The following PDCL variants were observed in gnomAD, a reference collection of about 807,000 sequenced individuals.
The protein encoded by PDCL is phosducin like.
PDCL carries 11 observed loss-of-function variants against 26.7 expected under a neutral mutation model. The observed-to-expected ratio is 0.41, with a 90% CI of 0.26 to 0.68. The LOEUF (loss-of-function observed/expected upper bound fraction) is 0.68, where lower values mean the gene tolerates loss of function less well. Ranked by LOEUF, PDCL falls within the 30% of genes least tolerant of loss-of-function variation. The pLI, the probability that PDCL is intolerant of heterozygous loss-of-function variation, is 0.30. For missense variants in PDCL, 330 were observed against 371.6 expected, an observed-to-expected ratio of 0.89 and a Z score of 0.92; for synonymous variants, 118 against 134.9, an observed-to-expected ratio of 0.87 and a Z score of 0.87.
intron 3 of PDCL, 93 bp downstream of exon 3, chr9:122,822,923 A>C (rs984553324): frequency 7.9e-6 from 9 of 1,136,916 alleles, no homozygotes; most frequent in Non-Finnish European, 1.2e-5. Flanking sequence ...AACTTCTTGG[A>C]GGTCAAATCA....
At position 122,823,113 on chromosome 9, in the gene PDCL, C is replaced by T. The variant is rs1346315719; in HGVS notation, c.257G>A (p.Arg86Lys). 1 of 1,614,204 alleles carries T rather than the reference C, an allele frequency of 6.2e-7. No homozygotes were observed. Among genetic ancestry groups the T allele is most frequent in the Non-Finnish European group, 8.5e-7 (1 of 1,180,032 alleles). ...AGTCATTGACAGCTTCTTGATCAGC[C>T]TTTCCATCTCCCGGCACTGCTCCTC... ...QREEQCREME[R>K]LIKKLSMTCR... Residue 86 changes from arginine to lysine, a missense_variant, in exon 3 of 4, where the codon AGG becomes AAG. Physicochemically the swap from Arg to Lys is conservative, Grantham distance 26. Transcript: ENST00000259467.
intron 2 of PDCL, 100 bp from the exon 3 acceptor site, chr9:122,823,297 T>G: frequency 8.9e-7 from 1 of 1,119,776 alleles, no homozygotes; most frequent in South Asian, 1.4e-5. Context: ...TGAAGCTTGC[T>G]CCATCTACTG....
chr9:122,820,371 G>A lies in PDCL; in HGVS notation c.620C>T (p.Ala207Val). The change falls in exon 4 of 4, where the codon GCA (alanine) becomes GTA (valine). Residue 207 changes from alanine to valine, a missense_variant. Transcript: ENST00000259467. ...AMNGCMICLA[A>V]EYPAVKFCKV... Reference sequence around the variant, plus strand: ...GCAGAACTTGACAGCTGGGTACTCTGCGGCAAGGCAGATCATGCAACCATT... The same window carrying A: ...GCAGAACTTGACAGCTGGGTACTCTACGGCAAGGCAGATCATGCAACCATT... The A allele has an allele frequency of 6.2e-7, 1 of 1,614,180 alleles. No individual in the cohort carries two copies. The highest frequency in any genetic ancestry group is 1.6e-4 in the Middle Eastern group (1 of 6,062).
Position 122,819,931 on chromosome 9 carries a change from G to T in PDCL, c.*154C>A. On this transcript the variant is annotated 3_prime_UTR_variant, in exon 4 of 4. Coordinates refer to ENST00000259467, the MANE Select transcript of PDCL (RefSeq NM_005388.5). ...TTATTGCTAGCTACAAGGTTATTCA[G>T]CATTCTGATTTAATCTAAGAATTTC... 1.7e-6 allele frequency: 1 copy of T among 602,208 alleles called. No individual in the cohort carries two copies. The highest frequency in any genetic ancestry group is 2.4e-5 in the South Asian group (1 of 41,184). The allele number at this position is 602,208 out of a possible 1,614,324, so 37.3% of individuals were successfully genotyped here.
At position 122,823,125 on chromosome 9, in the gene PDCL, C is replaced by G; in HGVS notation, c.245G>C (p.Arg82Pro). The part of the protein sequence containing the change: ...LETEQREEQC[R>P]EMERLIKKLS... ...CTTCTTGATCAGCCTTTCCATCTCC[C>G]GGCACTGCTCCTCCCTCTGCTCTGT... The change falls in exon 3 of 4, where the codon CGG becomes CCG. Residue 82 changes from arginine to proline, a missense_variant. By Grantham distance (103) the Arg-to-Pro change is moderately radical (BLOSUM62 -2). Coordinates refer to ENST00000259467, the MANE Select transcript of PDCL (RefSeq NM_005388.5). 1 of 1,614,104 alleles carries G rather than the reference C, an allele frequency of 6.2e-7. No individual in the cohort carries two copies. The highest frequency in any genetic ancestry group is 1.1e-5 in the South Asian group (1 of 91,082).
intron 3 of PDCL, among the ~76,000 whole-genome samples, chr9:122,822,712 C>A (rs185752224): frequency 6.6e-6 from 1 of 152,312 alleles, no homozygotes; most frequent in African/African-American, 2.4e-5. Context: ...CTAAAATTTA[C>A]TGAGCACTTT....
At chr9:122,827,045 G>C (rs1031717666) in intron 1 of PDCL, among the ~76,000 whole-genome samples, 1 of 152,134 alleles carries the variant, frequency 6.6e-6, no homozygotes, top group East Asian at 1.9e-4. Flanking sequence ...GAATGACGGA[G>C]CTGGGACCAG....
intron 3 of PDCL, 184 bp from the exon 4 acceptor site, chr9:122,820,820 CTTA>C: frequency 2.2e-6 from 1 of 452,542 alleles, no homozygotes; most frequent in Non-Finnish European, 3.9e-6. Context: ...CTCATCTCTC[CTTA>C]AAAAAAAAAA....
chr9:122,820,690 A>C, intron 3 of PDCL, 54 bp from the exon 4 acceptor site: 1 of 1,486,736 alleles, frequency 6.7e-7, no homozygotes. Context: ...ACTCGTGATA[A>C]CAGTTAATAT....
rs1339947119 is a variant in PDCL, at chr9:122,819,867, C to T, written c.*218G>A. ...ACCACAGAATCTTAAGTAAACAGTT[C>T]AAAAGCCTGGCTTCCTGTTTATACA... On this transcript the variant is annotated 3_prime_UTR_variant, in exon 4 of 4. Transcript: ENST00000259467. The T allele has an allele frequency of 6.8e-6, 3 of 443,306 alleles. No individual in the cohort carries two copies. The highest frequency in any genetic ancestry group is 6.1e-5 in the African/African-American group (3 of 48,800). The allele number at this position is 443,306 out of a possible 1,614,324, so 27.5% of individuals were successfully genotyped here.
chr9:122,825,981 C>T (rs1400504383), intron 2 of PDCL, among the ~76,000 whole-genome samples: 1 of 152,054 alleles, frequency 6.6e-6, no homozygotes, highest in Non-Finnish European at 1.5e-5. Context: ...AGAGAGGAAC[C>T]TCATGGAAGC....
At position 122,818,098 on chromosome 9, in the gene PDCL, T is replaced by C. The variant is rs1393002642; in HGVS notation, c.*1987A>G. Among the ~76,000 whole-genome samples, 1 of 152,100 alleles carries C rather than the reference T, an allele frequency of 6.6e-6. No homozygotes were observed. The highest frequency in any genetic ancestry group is 2.4e-5 in the African/African-American group (1 of 41,434). On this transcript the variant is annotated 3_prime_UTR_variant, in exon 4 of 4. Transcript: ENST00000259467. ...GTCTGGCCAACATGGTGAAACCCCG[T>C]CTCTAGTAAAAATACAAAAATTAGC... is the stretch of plus-strand genomic sequence containing the variant.
In PDCL at chr9:122,823,049, T is replaced by C; in HGVS notation, c.321A>G (p.Lys107=). 6.2e-7 allele frequency: 1 copy of C among 1,614,200 alleles called. No homozygotes were observed. Among genetic ancestry groups the C allele is most frequent in the Admixed American group, 1.7e-5 (1 of 60,026 alleles). ...SHLDEEEEQQ[K]QKDLQEKISG... ...TGATCTTCTCCTGGAGGTCTTTCTGTTTCTGTTGCTCCTCCTCTTCATCCA... is the reference window on the plus strand; with the variant it reads ...TGATCTTCTCCTGGAGGTCTTTCTGCTTCTGTTGCTCCTCCTCTTCATCCA... Residue 107 remains lysine (K), a synonymous_variant, in exon 3 of 4, where the codon AAA becomes AAG. Coordinates refer to ENST00000259467, the MANE Select transcript of PDCL (RefSeq NM_005388.5).
chr9:122,824,434 T>C (rs904629558), intron 2 of PDCL, among the ~76,000 whole-genome samples: 2 of 152,158 alleles, frequency 1.3e-5, no homozygotes, highest in African/African-American at 2.4e-5. Context: ...ACAGCCAAAC[T>C]GAGGCTGTTA....
At chr9:122,822,111 C>T (rs535406356) in intron 3 of PDCL, among the ~76,000 whole-genome samples, 2 of 152,246 alleles carry the variant, frequency 1.3e-5, no homozygotes, top group African/African-American at 2.4e-5. Context: ...GTGAATGATT[C>T]CCAGCTTAAT....
intron 3 of PDCL, among the ~76,000 whole-genome samples, chr9:122,822,809 C>G (rs1011712450): frequency 6.6e-6 from 1 of 152,198 alleles, no homozygotes; most frequent in Non-Finnish European, 1.5e-5. Context: ...ACACCAGATT[C>G]AGAAGGGAAG....
chr9:122,818,795 A>G lies in PDCL; in HGVS notation c.*1290T>C, dbSNP rs1564267236. 1 of 152,120 alleles carries G rather than the reference A, an allele frequency of 6.6e-6. No homozygotes were observed. The highest frequency in any genetic ancestry group is 2.4e-5 in the African/African-American group (1 of 41,452). 9.4% of individuals were successfully genotyped at this position (152,120 alleles called of 1,614,324 possible). ...ATAAATACATAGAAAAAAAGGCTAT[A>G]AAAATGACTAGAAATATGACAAAAG... On this transcript the variant is annotated 3_prime_UTR_variant, in exon 4 of 4. Coordinates refer to ENST00000259467, the MANE Select transcript of PDCL (RefSeq NM_005388.5).
intron 1 of PDCL, among the ~76,000 whole-genome samples, chr9:122,827,560 GCAAACAAACAAA>G (rs901024368): frequency 6.6e-6 from 1 of 151,936 alleles, no homozygotes; most frequent in Non-Finnish European, 1.5e-5. Flanking sequence ...ACTAGTAAAA[GCAAACAAACAAA>G]CAAACAAAAA....
chr9:122,827,945 C>T (rs1343221676), intron 1 of PDCL, among the ~76,000 whole-genome samples: 3 of 152,086 alleles, frequency 2.0e-5, no homozygotes, highest in East Asian at 1.9e-4. Flanking sequence ...AACGTAGGGA[C>T]CTCTAGTCAC....
Sources: allele counts gnomAD v4.1 joint callset (sites outside exome capture counted in the v4.1 genomes callset), GRCh38; gene constraint gnomAD v4.1.1; transcripts MANE v1.5; gene names NCBI Gene and HGNC (gene_info 2026-07-23, HGNC 2026-07-21).